NR5A2: variants seen among roughly 807,000 people sequenced by gnomAD.
The protein encoded by NR5A2 is CYP7A promoter-binding factor.
Under a neutral mutation model 62.7 loss-of-function variants are expected in NR5A2, and 26 were observed. The ratio of observed to expected loss-of-function variants is 0.41; its 90% confidence interval spans 0.30 to 0.58. The LOEUF is 0.58. NR5A2 is among the 20% of genes least tolerant of loss of function. NR5A2 has a pLI of 0.22. For missense variants in NR5A2, 541 were observed against 669.1 expected, an observed-to-expected ratio of 0.81 and a Z score of 2.11; for synonymous variants, 246 against 241.7, an observed-to-expected ratio of 1.02 and a Z score of -0.16.
At chr1:200,119,509 C>T (rs948677722) in intron 6 of NR5A2, among the ~76,000 whole-genome samples, 6 of 152,140 alleles carry the variant, frequency 3.9e-5, no homozygotes, top group Non-Finnish European at 8.8e-5. Flanking sequence ...CTGGGCTTTC[C>T]CATTATGCTG....
At chr1:200,100,837 A>G (rs1045080420) in intron 5 of NR5A2, among the ~76,000 whole-genome samples, 13 of 152,222 alleles carry the variant, frequency 8.5e-5, no homozygotes, top group Non-Finnish European at 1.5e-4. Context: ...TTTGATTGTT[A>G]TCTCATGTAC....
chr1:200,074,921 C>T (rs751169406), intron 5 of NR5A2, among the ~76,000 whole-genome samples: 4 of 150,852 alleles, frequency 2.7e-5, no homozygotes, highest in African/African-American at 4.9e-5. Flanking sequence ...GGGGTTTACA[C>T]GTGAAATTAT....
intron 7 of NR5A2, among the ~76,000 whole-genome samples, chr1:200,143,549 C>T (rs1162833538): frequency 6.6e-6 from 1 of 151,898 alleles, no homozygotes; most frequent in Non-Finnish European, 1.5e-5. Context: ...CTCTGGTTGC[C>T]ACATGCATGG....
intron 7 of NR5A2, 126 bp downstream of exon 7, chr1:200,121,081 A>C: frequency 1.0e-6 from 1 of 983,928 alleles, no homozygotes; most frequent in Non-Finnish European, 1.5e-6. Context: ...CAAATTATGA[A>C]ATCTTCAAAC....
intron 7 of NR5A2, among the ~76,000 whole-genome samples, chr1:200,164,988 T>G (rs1653830614): frequency 6.7e-6 from 1 of 148,372 alleles, no homozygotes; most frequent in Non-Finnish European, 1.5e-5. Flanking sequence ...GTGATTCTCC[T>G]GCCTCAGCCT....
Position 200,048,891 on chromosome 1 carries a change from T to C in NR5A2, c.1110+73T>C. 6.6e-7 allele frequency: 1 copy of C among 1,516,722 alleles called. No homozygotes were observed. The highest frequency in any genetic ancestry group is 9.0e-7 in the Non-Finnish European group (1 of 1,112,676). The allele number at this position is 1,516,722 out of a possible 1,614,324, so 94.0% of individuals were successfully genotyped here. A position where few individuals can be genotyped will look rare whatever the true frequency, so the allele number is the denominator to read the frequency against. On this transcript the variant is annotated intron_variant, in intron 5 of 7. Coordinates refer to ENST00000367362, the MANE Select transcript of NR5A2 (RefSeq NM_205860.3). The surrounding 1 kb of genome is among the most constrained non-coding windows in gnomAD (Gnocchi z 4.8). ...CTAACTATGTTCCTAATTAATACAT[T>C]CTTGGTGCTGAAAATATGTGTTCCT...
intron 7 of NR5A2, among the ~76,000 whole-genome samples, chr1:200,163,043 T>C (rs1208188730): frequency 6.6e-6 from 1 of 152,106 alleles, no homozygotes; most frequent in African/African-American, 2.4e-5. Flanking sequence ...AAATAAAATG[T>C]TCAACACATG....
At chr1:200,169,273 T>C (rs934475341) in intron 7 of NR5A2, among the ~76,000 whole-genome samples, 1 of 152,092 alleles carries the variant, frequency 6.6e-6, no homozygotes, top group African/African-American at 2.4e-5. Context: ...ATATTTAAAA[T>C]CTTTAAAAAG....
At chr1:200,121,619 G>A (rs1666485085) in intron 7 of NR5A2, among the ~76,000 whole-genome samples, 2 of 152,128 alleles carry the variant, frequency 1.3e-5, no homozygotes, top group Admixed American at 6.5e-5. Flanking sequence ...TAAGGAGATG[G>A]ATTTTTATTG....
intron 6 of NR5A2, among the ~76,000 whole-genome samples, chr1:200,115,419 T>C (rs1038002802): frequency 6.6e-6 from 1 of 152,194 alleles, no homozygotes; most frequent in Non-Finnish European, 1.5e-5. Flanking sequence ...AGCACTGTAT[T>C]GAGGCCATGT....
At chr1:200,171,623 T>A (rs966024790) in intron 7 of NR5A2, among the ~76,000 whole-genome samples, 1 of 152,026 alleles carries the variant, frequency 6.6e-6, no homozygotes, top group African/African-American at 2.4e-5. Context: ...GTGACACAAG[T>A]CTGTAACCCC....
In NR5A2 at chr1:200,039,182, GGA is replaced by G. The variant is rs1190594549; in HGVS notation, c.65-469_65-468del. On this transcript the variant is annotated intron_variant, in intron 1 of 7. Transcript: ENST00000367362. This position sits in a 1 kb window ranked among gnomAD's most constrained non-coding sequence, Gnocchi z 5.1. ...ATAGGGGGAAGGGGCGGAGAGGAGGGGAGAGAGAAGGGAGGCGAGAGAAAGAG... is the reference window on the plus strand; with the variant it reads ...ATAGGGGGAAGGGGCGGAGAGGAGGGGAGAGAAGGGAGGCGAGAGAAAGAG... Among the ~76,000 whole-genome samples the G allele has an allele frequency of 6.6e-6, 1 of 152,176 alleles. No homozygotes were observed. Among genetic ancestry groups the G allele is most frequent in the Non-Finnish European group, 1.5e-5 (1 of 68,018 alleles).
rs72644153 is a variant in NR5A2 at position 200,127,054 on chromosome 1, C to T, written c.1378+6099C>T. 0.02 allele frequency among the ~76,000 whole-genome samples: 3,085 copies of T among 151,972 alleles called. 212 individuals are homozygous for T. The East Asian group carries it at 0.25, about 12-fold the overall frequency. Reference sequence around the variant, plus strand: ...AATAAATCACTTAGTTTCTCTCTTACAGAATGAAGAGACCTAAGAGAACAT... The same window carrying T: ...AATAAATCACTTAGTTTCTCTCTTATAGAATGAAGAGACCTAAGAGAACAT... On this transcript the variant is annotated intron_variant, in intron 7 of 7. Transcript: ENST00000367362.
chr1:200,137,285 A>G (rs1055624910), intron 7 of NR5A2, among the ~76,000 whole-genome samples: 3 of 149,222 alleles, frequency 2.0e-5, no homozygotes, highest in African/African-American at 7.4e-5. Flanking sequence ...CGAATAGCTG[A>G]TATTACAGGT....
rs115440737 is a variant in NR5A2, at chr1:200,150,943, A to G, written c.1379-23020A>G. 4.3e-3 allele frequency among the ~76,000 whole-genome samples: 660 copies of G among 152,170 alleles called. 10 individuals are homozygous for G. The highest frequency in any genetic ancestry group is 0.015 in the African/African-American group (616 of 41,498). ...CAAGAGTGCTCTGTTTCATTCCAGG[A>G]CCCGTGGGAGTTAAGAATTGAAGGT... On this transcript the variant is annotated intron_variant, in intron 7 of 7. Transcript: ENST00000367362.
chr1:200,028,962 G>C, intron 1 of NR5A2: 1 of 386,282 alleles, frequency 2.6e-6, no homozygotes, highest in Non-Finnish European at 5.2e-6. Flanking sequence ...TACCAAAAAT[G>C]TTCTATACTT....
At chr1:200,062,633 A>T (rs1167254676) in intron 5 of NR5A2, among the ~76,000 whole-genome samples, 1 of 152,216 alleles carries the variant, frequency 6.6e-6, no homozygotes, top group Non-Finnish European at 1.5e-5. Flanking sequence ...AGCTAATCAA[A>T]TGTAATTGGG....
chr1:200,032,852 T>A (rs1571688629), intron 1 of NR5A2, among the ~76,000 whole-genome samples: 1 of 152,358 alleles, frequency 6.6e-6, no homozygotes, highest in Non-Finnish European at 1.5e-5. Context: ...ATACATACTC[T>A]TTCTCCAAAG....
chr1:200,054,975 C>A (rs1662842240), intron 5 of NR5A2, among the ~76,000 whole-genome samples: 1 of 151,944 alleles, frequency 6.6e-6, no homozygotes. Flanking sequence ...TAGCTCACTG[C>A]AGCCTTGACC....
Sources: allele counts gnomAD v4.1 joint callset (sites outside exome capture counted in the v4.1 genomes callset), GRCh38; gene constraint gnomAD v4.1.1; non-coding constraint Gnocchi (gnomAD v3.1); transcripts MANE v1.5; gene names NCBI Gene and HGNC (gene_info 2026-07-23, HGNC 2026-07-21).